SLMAP: variants seen among roughly 807,000 people sequenced by gnomAD.
The protein encoded by SLMAP is sarcolemma associated protein, also known as sarcolemmal membrane-associated protein.
Under a neutral mutation model 128.8 loss-of-function variants are expected in SLMAP, and 44 were observed. The ratio of observed to expected loss-of-function variants is 0.34; its 90% confidence interval spans 0.27 to 0.44. The LOEUF is 0.44. Among genes scored for constraint, SLMAP ranks in the 20% least tolerant of loss-of-function variants. The pLI is 1.00. For missense variants in SLMAP, 787 were observed against 985.3 expected (o/e 0.80, Z 2.69); for synonymous variants, 327 against 348.8 (o/e 0.94, Z 0.70).
At chr3:57,910,865 C>T (rs973759267) in intron 19 of SLMAP, among the ~76,000 whole-genome samples, 1 of 152,168 alleles carries the variant, frequency 6.6e-6, no homozygotes, top group African/African-American at 2.4e-5. Flanking sequence ...AGTCATTGTA[C>T]GAGGCCCAAG....
chr3:57,795,322 G>C (rs1282250769), intron 2 of SLMAP, among the ~76,000 whole-genome samples: 1 of 152,222 alleles, frequency 6.6e-6, no homozygotes, highest in South Asian at 2.1e-4. Flanking sequence ...GGCGGATCAC[G>C]AGTTCAGGAG....
At chr3:57,911,679 C>T (rs1176524313) in intron 19 of SLMAP, among the ~76,000 whole-genome samples, 1 of 151,846 alleles carries the variant, frequency 6.6e-6, no homozygotes, top group African/African-American at 2.4e-5. Flanking sequence ...GGTGTACAGT[C>T]CAGTAGAAAA....
intron 2 of SLMAP, chr3:57,800,599 A>G (rs2088027131): frequency 6.5e-6 from 1 of 153,022 alleles, no homozygotes; most frequent in South Asian, 2.1e-4. Flanking sequence ...TGCCTTGATA[A>G]TGGTAAGTCT....
chr3:57,831,340 CTATTAA>C (rs752167920), intron 2 of SLMAP, 37 bp from the exon 3 acceptor site: 3 of 1,303,600 alleles, frequency 2.3e-6, no homozygotes, highest in Admixed American at 2.9e-5. Context: ...GGAATTATTA[CTATTAA>C]TATTTGGCCC....
intron 17 of SLMAP, 27 bp downstream of exon 17, chr3:57,896,959 G>A (rs375889041): frequency 3.1e-6 from 5 of 1,612,088 alleles, no homozygotes; most frequent in African/African-American, 2.7e-5. Flanking sequence ...TTATGACATC[G>A]TAAACCAGGG....
intron 2 of SLMAP, among the ~76,000 whole-genome samples, chr3:57,826,811 T>G (rs1353347653): frequency 6.6e-6 from 1 of 152,204 alleles, no homozygotes; most frequent in Non-Finnish European, 1.5e-5. Context: ...AGTGAACACC[T>G]AATAGCTATT....
intron 15 of SLMAP, among the ~76,000 whole-genome samples, chr3:57,895,329 TTTTCTTTC>T (rs559995223): frequency 6.6e-6 from 1 of 151,948 alleles, no homozygotes; most frequent in Non-Finnish European, 1.5e-5. Flanking sequence ...AAAACTTTTT[TTTTCTTTC>T]TTTCTTTCTT....
intron 6 of SLMAP, among the ~76,000 whole-genome samples, chr3:57,853,766 C>G (rs2094590691): frequency 6.7e-6 from 1 of 149,848 alleles, no homozygotes; most frequent in South Asian, 2.1e-4. Context: ...CATGGAGAAA[C>G]CCCCGTCTCT....
At chr3:57,837,047 A>G (rs780603095) in intron 3 of SLMAP, among the ~76,000 whole-genome samples, 19 of 152,344 alleles carry the variant, frequency 1.2e-4, no homozygotes, top group South Asian at 2.1e-4. Context: ...TCAATGGTGT[A>G]TCTTCCTTTG....
chr3:57,860,432 GTAAC>G (rs1553888784), intron 8 of SLMAP, among the ~76,000 whole-genome samples: 2 of 151,976 alleles, frequency 1.3e-5, no homozygotes, highest in Non-Finnish European at 2.9e-5. Context: ...AAATATAAAA[GTAAC>G]TAATTTTGTA....
At chr3:57,863,573 A>C (rs1477658078) in intron 10 of SLMAP, among the ~76,000 whole-genome samples, 1 of 152,206 alleles carries the variant, frequency 6.6e-6, no homozygotes, top group Non-Finnish European at 1.5e-5. Flanking sequence ...GCAGAAAGCA[A>C]AGTGGAGCTG....
At chr3:57,819,854 G>A (rs370001448) in intron 2 of SLMAP, among the ~76,000 whole-genome samples, 47 of 152,282 alleles carry the variant, frequency 3.1e-4, no homozygotes, top group African/African-American at 1.0e-3. Context: ...CTGGGCTCAA[G>A]TGATCCTCCT....
At chr3:57,872,411 G>A (rs2095503088) in intron 14 of SLMAP, among the ~76,000 whole-genome samples, 1 of 152,118 alleles carries the variant, frequency 6.6e-6, no homozygotes, top group Admixed American at 6.5e-5. Flanking sequence ...CTGAGGTCAG[G>A]AGTTTGAGAC....
At chr3:57,906,844 A>T (rs948475420) in intron 17 of SLMAP, among the ~76,000 whole-genome samples, 4 of 151,774 alleles carry the variant, frequency 2.6e-5, no homozygotes, top group African/African-American at 7.3e-5. Context: ...ACCTGATGAT[A>T]TATTTATTTC....
At chr3:57,913,075 C>T (rs1432009958) in intron 20 of SLMAP, 83 bp from the exon 21 acceptor site, 2 of 695,062 alleles carry the variant, frequency 2.9e-6, no homozygotes, top group African/African-American at 3.6e-5. Flanking sequence ...GTATGTTCTC[C>T]TCTGAAATCT....
rs112191414 is a variant in SLMAP at position 57,886,106 on chromosome 3, A to ATT, written c.1301-3921_1301-3920dup. Among the ~76,000 whole-genome samples, 1,099 of 129,992 alleles carry ATT rather than the reference A, an allele frequency of 8.5e-3. 16 individuals are homozygous for ATT. Among genetic ancestry groups the ATT allele is most frequent in the African/African-American group, 0.027 (957 of 35,050 alleles). The allele number at this position is 129,992 out of a possible 152,430, so 85.3% of individuals were successfully genotyped here. On this transcript the variant is annotated intron_variant, in intron 14 of 24. Coordinates refer to ENST00000671191, the MANE Select transcript of SLMAP (RefSeq NM_001377540.1). Reference sequence around the variant, plus strand: ...AAGCAGAAACTTTTTTAAAGATATAATTTTTTTTTTTTTTTGAGATGGAGT... The same window carrying ATT: ...AAGCAGAAACTTTTTTAAAGATATAATTTTTTTTTTTTTTTTTGAGATGGAGT...
intron 2 of SLMAP, among the ~76,000 whole-genome samples, chr3:57,796,560 G>C (rs2086783024): frequency 6.6e-6 from 1 of 152,164 alleles, no homozygotes; most frequent in Non-Finnish European, 1.5e-5. Flanking sequence ...TATCTGCAAA[G>C]CACTTAGAAC....
intron 2 of SLMAP, among the ~76,000 whole-genome samples, chr3:57,799,428 G>A (rs2087633459): frequency 6.6e-6 from 1 of 152,166 alleles, no homozygotes; most frequent in African/African-American, 2.4e-5. Flanking sequence ...GTGTTGCAGA[G>A]ATGTAACTCA....
intron 6 of SLMAP, among the ~76,000 whole-genome samples, chr3:57,855,143 C>T (rs138453153): frequency 6.4e-4 from 97 of 151,802 alleles, no homozygotes; most frequent in African/African-American, 2.1e-3. Context: ...TTTGGGTGAC[C>T]GAGGCAGGAG....
Sources: gnomAD v4.1 joint callset for allele counts (sites outside exome capture counted in the v4.1 genomes callset) on GRCh38, gnomAD v4.1.1 for gene constraint, MANE v1.5 for transcripts, NCBI Gene and HGNC (gene_info 2026-07-23, HGNC 2026-07-21) for gene names.